Variants in RSF1 observed in about 807,000 individuals in gnomAD.
RSF1 encodes the protein HBV pX-associated protein 8.
RSF1 carries 13 observed loss-of-function variants against 145.2 expected under a neutral mutation model. The ratio of observed to expected loss-of-function variants is 0.09; its 90% CI spans 0.06 to 0.14. RSF1 has a LOEUF of 0.14. Among genes scored for constraint, RSF1 ranks in the 10% least tolerant of loss-of-function variants. The pLI is 1.00. For synonymous variants in RSF1, 577 were observed against 592.6 expected, an observed-to-expected ratio of 0.97 and a Z score of 0.38; for missense variants, 1,517 against 1,718.2, an observed-to-expected ratio of 0.88 and a Z score of 2.07.
chr11:77,756,916 C>T (rs912770534), intron 2 of RSF1, among the ~76,000 whole-genome samples: 13 of 152,172 alleles, frequency 8.5e-5, no homozygotes, highest in South Asian at 2.1e-4. Flanking sequence ...AAGAGACAAT[C>T]GTAAACAAAT....
At chr11:77,832,257 G>T in the RSF1 span, among the ~76,000 whole-genome samples, 3 of 151,960 alleles carry the variant, frequency 2.0e-5, no homozygotes, top group Non-Finnish European at 4.4e-5. Context: ...TTCTGGCAGG[G>T]TTGATTCTCA....
At chr11:77,700,644 TAA>T in intron 6 of RSF1, 75 bp downstream of exon 6, 1 of 1,069,672 alleles carries the variant, frequency 9.3e-7, no homozygotes, top group Non-Finnish European at 1.3e-6. Flanking sequence ...CTTTGATGAC[TAA>T]GTTTTAGACA....
intron 2 of RSF1, 124 bp from the exon 3 acceptor site, chr11:77,747,252 C>CAAT: frequency 1.7e-6 from 1 of 574,912 alleles, no homozygotes; most frequent in Non-Finnish European, 3.1e-6. Context: ...CTAAACAGTC[C>CAAT]AATCCAACTG....
intron 9 of RSF1, among the ~76,000 whole-genome samples, chr11:77,689,879 C>G (rs1960104340): frequency 6.6e-6 from 1 of 152,118 alleles, no homozygotes; most frequent in Non-Finnish European, 1.5e-5. Flanking sequence ...GAACCCTTCT[C>G]CAGGCTGGGC....
At chr11:77,832,949 A>ATGTG in the RSF1 span, among the ~76,000 whole-genome samples, 5 of 96,316 alleles carry the variant, frequency 5.2e-5, no homozygotes, top group East Asian at 3.1e-4. Context: ...TTGTATATAT[A>ATGTG]TATGTGTGTG....
At chr11:77,783,644 C>G (rs1948426541) in intron 1 of RSF1, among the ~76,000 whole-genome samples, 1 of 152,000 alleles carries the variant, frequency 6.6e-6, no homozygotes, top group African/African-American at 2.4e-5. Flanking sequence ...GAGTTTGAGA[C>G]CAGCCTGGGC....
At chr11:77,737,948 A>T (rs7949468) in intron 4 of RSF1, among the ~76,000 whole-genome samples, 99,853 of 151,994 alleles carry the variant, frequency 0.66, 32,979 homozygotes, top group South Asian at 0.81. Flanking sequence ...GCTATCACAG[A>T]GAAACCCCAT....
upstream of RSF1, among the ~76,000 whole-genome samples, chr11:77,823,214 CAAAAAAA>C (rs746182266): frequency 3.2e-5 from 3 of 92,732 alleles, no homozygotes; most frequent in East Asian, 9.0e-4. Context: ...GACTCCGTCT[CAAAAAAA>C]AAAAAAAAAA....
At chr11:77,857,365 C>G in the RSF1 span, among the ~76,000 whole-genome samples, 1 of 152,110 alleles carries the variant, frequency 6.6e-6, no homozygotes, top group African/African-American at 2.4e-5. Context: ...AAACATATGT[C>G]TAGATGTAGA....
chr11:77,692,306 G>A (rs1411987131), intron 8 of RSF1, among the ~76,000 whole-genome samples: 2 of 88,232 alleles, frequency 2.3e-5, no homozygotes, highest in East Asian at 6.6e-4. Context: ...GTGCAGTGGC[G>A]GGATCTCGGC....
chr11:77,840,406 G>C, the RSF1 span, among the ~76,000 whole-genome samples: 1 of 152,132 alleles, frequency 6.6e-6, no homozygotes, highest in African/African-American at 2.4e-5. Context: ...GCACATGCCT[G>C]TAATCCCAGC....
At chr11:77,782,761 T>C (rs984965889) in intron 1 of RSF1, among the ~76,000 whole-genome samples, 2 of 152,220 alleles carry the variant, frequency 1.3e-5, no homozygotes, top group Non-Finnish European at 2.9e-5. Flanking sequence ...AAAAATGTAA[T>C]TTCTATGGCT....
the RSF1 span, among the ~76,000 whole-genome samples, chr11:77,840,257 A>G: frequency 2.0e-3 from 299 of 152,274 alleles, 6 homozygotes; most frequent in East Asian, 0.03. Context: ...AGTATCTTTA[A>G]GTGGCTCACG....
chr11:77,801,941 G>C (rs1948630354), intron 1 of RSF1, among the ~76,000 whole-genome samples: 1 of 151,858 alleles, frequency 6.6e-6, no homozygotes, highest in Non-Finnish European at 1.5e-5. Flanking sequence ...TGAGGCAGGA[G>C]GACCGCTTGA....
In RSF1 at chr11:77,820,536, T is replaced by A. The variant is rs1464972185; in HGVS notation, c.179A>T (p.Asn60Ile). The change falls in exon 1 of 16, where the codon AAC (asparagine) becomes ATC (isoleucine). Residue 60 changes from asparagine to isoleucine, a missense_variant. Asn to Ile is a moderately radical substitution (Grantham distance 149, BLOSUM62 -3). This residue lies in a region of RSF1 where 85 missense variants were observed against 91.8 expected (regional missense o/e 0.93). Transcript: ENST00000308488. ...VLQAPPPDVG[N>I]GEVPKELVEL... is the part of the protein sequence containing the mutation. ...TCGGGCCCCTCGCTTACCTTCTCCG[T>A]TGCCGACGTCCGGCGGCGGCGCCTG... is the stretch of plus-strand genomic sequence containing the variant. The A allele has an allele frequency of 6.5e-7, 1 of 1,548,024 alleles. No individual in the cohort carries two copies. Among genetic ancestry groups the A allele is most frequent in the South Asian group, 1.2e-5 (1 of 83,962 alleles).
chr11:77,775,383 G>A (rs1027758797), intron 1 of RSF1, among the ~76,000 whole-genome samples: 1 of 152,170 alleles, frequency 6.6e-6, no homozygotes, highest in Non-Finnish European at 1.5e-5. Flanking sequence ...ATGACTCTGG[G>A]TTGTTCAGAG....
intron 10 of RSF1, among the ~76,000 whole-genome samples, chr11:77,684,816 C>A (rs1394357292): frequency 6.6e-6 from 1 of 151,912 alleles, no homozygotes; most frequent in Admixed American, 6.6e-5. Context: ...GGTGAAACCC[C>A]GTCTGTACTA....
intron 4 of RSF1, among the ~76,000 whole-genome samples, chr11:77,738,316 T>C (rs1326908096): frequency 6.9e-6 from 1 of 145,490 alleles, no homozygotes; most frequent in Non-Finnish European, 1.5e-5. Flanking sequence ...TTAAGTACAT[T>C]AGCCCCCCCA....
intron 9 of RSF1, among the ~76,000 whole-genome samples, chr11:77,690,333 G>A (rs1590831339): frequency 6.6e-6 from 1 of 152,114 alleles, no homozygotes; most frequent in Non-Finnish European, 1.5e-5. Context: ...AAGGATAACT[G>A]AATTACAGAC....
Sources: allele counts gnomAD v4.1 joint callset (sites outside exome capture counted in the v4.1 genomes callset), GRCh38; gene constraint gnomAD v4.1.1; regional missense constraint gnomAD v4.1.1; transcripts MANE v1.5; gene names NCBI Gene and HGNC (gene_info 2026-07-23, HGNC 2026-07-21).